ADARB2: variants seen among roughly 807,000 people sequenced by gnomAD.
The protein encoded by ADARB2 is inactive double-stranded RNA-specific editase B2.
In ADARB2, 25 loss-of-function variants were observed where a neutral mutation model predicts 62.2. The ratio of observed to expected loss-of-function variants is 0.40; its 90% confidence interval spans 0.29 to 0.56. The LOEUF is 0.56. Among genes scored for constraint, ADARB2 ranks in the 20% least tolerant of loss-of-function variants. The pLI, the probability that ADARB2 is intolerant of heterozygous loss-of-function variation, is 0.43. For missense variants in ADARB2, 1,071 were observed against 1,077.4 expected, an observed-to-expected ratio of 0.99 and a Z score of 0.08; for synonymous variants, 572 against 500.8, an observed-to-expected ratio of 1.14 and a Z score of -1.90.
intron 1 of ADARB2, among the ~76,000 whole-genome samples, chr10:1,587,450 A>G (rs1833195522): frequency 6.6e-6 from 1 of 152,162 alleles, no homozygotes; most frequent in African/African-American, 2.4e-5. Context: ...CTCCTTCAGC[A>G]GGGTGTATGA....
intron 1 of ADARB2, among the ~76,000 whole-genome samples, chr10:1,544,684 T>C (rs10903474): frequency 0.69 from 104,907 of 151,876 alleles, 37,162 homozygotes; most frequent in East Asian, 0.98. Context: ...CAATGCGATG[T>C]GTAATGTGTA....
chr10:1,703,974 AT>A (rs1370947286), intron 1 of ADARB2, among the ~76,000 whole-genome samples: 1 of 152,186 alleles, frequency 6.6e-6, no homozygotes, highest in African/African-American at 2.4e-5. Flanking sequence ...GCCGTGATTG[AT>A]TTTAGTTTGT....
chr10:1,189,477 T>A (rs1836807670), intron 8 of ADARB2, among the ~76,000 whole-genome samples: 1 of 152,114 alleles, frequency 6.6e-6, no homozygotes, highest in Admixed American at 6.5e-5. Flanking sequence ...TGAAGACACA[T>A]GTGCTCAGGC....
chr10:1,597,891 C>A lies in ADARB2; in HGVS notation c.100+139160G>T, dbSNP rs1300404482. The stretch of plus-strand genomic sequence containing the variant: ...AACCTAAGTGTCCATCAGCAATGCA[C>A]TGAATAAAGACAATGTGGTACATAT... On this transcript the variant is annotated intron_variant, in intron 1 of 9. Coordinates refer to ENST00000381312, the MANE Select transcript of ADARB2 (RefSeq NM_018702.4). Among the ~76,000 whole-genome samples the A allele has an allele frequency of 3.3e-5, 5 of 152,176 alleles. No homozygotes were observed. The East Asian group carries it at 7.7e-4, about 23-fold the overall frequency.
rs147891008 is a variant in ADARB2, at chr10:1,354,567, A to G, written c.1077+8461T>C. Among the ~76,000 whole-genome samples the G allele has an allele frequency of 3.0e-4, 46 of 152,316 alleles. No homozygotes were observed. In the East Asian group the frequency reaches 8.3e-3, roughly 28 times the overall value. ...TTGGTGTCCCTTCACAGGTACGTGC[A>G]TGAAAAGAGGAGCCTCAGGGGATGT... On this transcript the variant is annotated intron_variant, in intron 3 of 9. Coordinates refer to ENST00000381312, the MANE Select transcript of ADARB2 (RefSeq NM_018702.4).
chr10:1,467,215 C>T (rs1255417380), intron 1 of ADARB2, among the ~76,000 whole-genome samples: 4 of 152,146 alleles, frequency 2.6e-5, no homozygotes, highest in South Asian at 2.1e-4. Context: ...AACTGCTCAT[C>T]GGTTTAGCTC....
intron 1 of ADARB2, among the ~76,000 whole-genome samples, chr10:1,521,761 AG>A (rs58488228): frequency 0.55 from 80,639 of 145,860 alleles, 23,052 homozygotes; most frequent in East Asian, 0.71. Context: ...ATAAGCTGGA[AG>A]GGGCACCCCC....
chr10:1,449,548 T>C (rs1357821317), intron 1 of ADARB2, among the ~76,000 whole-genome samples: 1 of 152,202 alleles, frequency 6.6e-6, no homozygotes, highest in Non-Finnish European at 1.5e-5. Flanking sequence ...TCAGATAGCT[T>C]CATAAAGTCT....
chr10:1,548,042 G>T (rs760782531), intron 1 of ADARB2, among the ~76,000 whole-genome samples: 2 of 151,918 alleles, frequency 1.3e-5, no homozygotes, highest in South Asian at 2.1e-4. Flanking sequence ...TTTTCCCTCT[G>T]GGAGGCTGGA....
chr10:1,643,576 G>GTGGAAGAGGGAGCTGCCATGACC (rs1471826031), intron 1 of ADARB2, among the ~76,000 whole-genome samples: 4 of 152,182 alleles, frequency 2.6e-5, no homozygotes, highest in Non-Finnish European at 5.9e-5. Flanking sequence ...AGTGAATAAG[G>GTGGAAGAGGGAGCTGCCATGACC]TGGAAGAGGG....
intron 7 of ADARB2, among the ~76,000 whole-genome samples, chr10:1,206,951 A>C (rs2131746377): frequency 6.6e-6 from 1 of 152,376 alleles, no homozygotes; most frequent in African/African-American, 2.4e-5. Context: ...GCAGGAGGGC[A>C]GAGCCGCGAA....
chr10:1,390,976 G>C (rs1832564761), intron 1 of ADARB2, among the ~76,000 whole-genome samples: 1 of 152,184 alleles, frequency 6.6e-6, no homozygotes, highest in African/African-American at 2.4e-5. Flanking sequence ...GCCCTTGCTT[G>C]GATAGCCAAC....
intron 1 of ADARB2, among the ~76,000 whole-genome samples, chr10:1,582,971 T>C (rs1833126093): frequency 6.6e-6 from 1 of 152,220 alleles, no homozygotes; most frequent in African/African-American, 2.4e-5. Context: ...CCCTGGTGCA[T>C]GGGCTGAGCC....
At position 1,426,380 on chromosome 10, in the gene ADARB2, T is replaced by C. The variant is rs1045388870; in HGVS notation, c.101-47220A>G. On this transcript the variant is annotated intron_variant, in intron 1 of 9. Transcript: ENST00000381312. The surrounding 1 kb of genome is among the most constrained non-coding windows in gnomAD (Gnocchi z 4.1). ...CACTGGCCTTTTTAAATCCTTTCTT[T>C]TTCTCTTTAAATTTCATGTTCCCTT... 6.6e-6 allele frequency among the ~76,000 whole-genome samples: 1 copy of C among 152,152 alleles called. No homozygotes were observed. Among genetic ancestry groups the C allele is most frequent in the Non-Finnish European group, 1.5e-5 (1 of 68,038 alleles).
rs542059594 is a variant in ADARB2, at chr10:1,411,271, C to G, written c.101-32111G>C. Among the ~76,000 whole-genome samples the G allele has an allele frequency of 2.0e-5, 3 of 152,190 alleles. 1 individual carries two copies. The South Asian group carries it at 6.2e-4, about 32-fold the overall frequency. On this transcript the variant is annotated intron_variant, in intron 1 of 9. Transcript: ENST00000381312. Reference sequence around the variant, plus strand: ...ATGGTGGCTGAGGCACAGGTGCGTCCGTGAGGCTGCGGGGCAACCCTGGCT... The same window carrying G: ...ATGGTGGCTGAGGCACAGGTGCGTCGGTGAGGCTGCGGGGCAACCCTGGCT...
At chr10:1,224,307 TTC>T (rs1830724152) in intron 6 of ADARB2, among the ~76,000 whole-genome samples, 1 of 152,218 alleles carries the variant, frequency 6.6e-6, no homozygotes, top group South Asian at 2.1e-4. Flanking sequence ...TCTTTGATTC[TTC>T]TCTCTTTTCT....
intron 1 of ADARB2, among the ~76,000 whole-genome samples, chr10:1,401,575 G>A (rs1325141541): frequency 6.6e-6 from 1 of 152,192 alleles, no homozygotes; most frequent in Non-Finnish European, 1.5e-5. Flanking sequence ...GATTCAATGG[G>A]AGCTCGCATG....
At chr10:1,358,116 T>C (rs1832214481) in intron 3 of ADARB2, among the ~76,000 whole-genome samples, 1 of 152,224 alleles carries the variant, frequency 6.6e-6, no homozygotes, top group Non-Finnish European at 1.5e-5. Flanking sequence ...GCTCTGGGCA[T>C]CAAAGAAGTG....
At chr10:1,200,351 G>T in intron 7 of ADARB2, 3 of 660,762 alleles carry the variant, frequency 4.5e-6, no homozygotes, top group African/African-American at 1.8e-5. Flanking sequence ...GGCTCCACAG[G>T]CCCATGTGTG....
Sources: allele counts gnomAD v4.1 joint callset (sites outside exome capture counted in the v4.1 genomes callset), GRCh38; gene constraint gnomAD v4.1.1; non-coding constraint Gnocchi (gnomAD v3.1); transcripts MANE v1.5; gene names NCBI Gene and HGNC (gene_info 2026-07-23, HGNC 2026-07-21).